The following JAK1 variants were observed in gnomAD, a reference collection of about 807,000 sequenced individuals.
JAK1 encodes the protein Janus kinase 1.
In JAK1, 16 loss-of-function variants were observed where a neutral mutation model predicts 136.6. The ratio of observed to expected loss-of-function variants is 0.12; its 90% confidence interval spans 0.08 to 0.18. The LOEUF (loss-of-function observed/expected upper bound fraction) is 0.18, where lower values mean the gene tolerates loss of function less well. Ranked by LOEUF, JAK1 falls within the 10% of genes least tolerant of loss-of-function variation. The pLI is 1.00. For missense variants in JAK1, 859 were observed against 1,450.1 expected, an observed-to-expected ratio of 0.59 and a Z score of 6.62; for synonymous variants, 492 against 519.5, an observed-to-expected ratio of 0.95 and a Z score of 0.72.
intron 2 of JAK1, among the ~76,000 whole-genome samples, chr1:65,031,155 CA>C (rs375856684): frequency 0.2 from 13,633 of 68,226 alleles, 746 homozygotes; most frequent in East Asian, 0.44. Context: ...GACCCTATCT[CA>C]AAAAAAAAAA....
At chr1:64,899,546 C>A (rs906802813) in intron 1 of JAK1, among the ~76,000 whole-genome samples, 1 of 152,064 alleles carries the variant, frequency 6.6e-6, no homozygotes, top group Admixed American at 6.5e-5. Flanking sequence ...GCTGAGCAAC[C>A]CAAATCAAAA....
At chr1:65,041,886 A>G (rs1647137346) in intron 2 of JAK1, among the ~76,000 whole-genome samples, 1 of 152,142 alleles carries the variant, frequency 6.6e-6, no homozygotes, top group African/African-American at 2.4e-5. Context: ...CAAAAATACA[A>G]AAAATTAGCC....
At chr1:65,052,948 T>C in intron 1 of JAK1, among the ~76,000 whole-genome samples, 1 of 135,758 alleles carries the variant, frequency 7.4e-6, no homozygotes, top group East Asian at 2.1e-4. Context: ...GGAGAATCGC[T>C]GGGACCCGGG....
chr1:64,902,345 A>G (rs1245992741), intron 1 of JAK1, among the ~76,000 whole-genome samples: 2 of 152,092 alleles, frequency 1.3e-5, no homozygotes, highest in African/African-American at 4.8e-5. Context: ...CAGTCCTGTC[A>G]TTTGTGCCAT....
chr1:64,978,205 G>A (rs1231447535), intron 2 of JAK1, among the ~76,000 whole-genome samples: 1 of 151,774 alleles, frequency 6.6e-6, no homozygotes, highest in South Asian at 2.1e-4. Context: ...TTGAACTCAA[G>A]AGGCACACGT....
rs556450173 is a variant in JAK1, at chr1:64,945,176, T to C, written c.-78+21157A>G. 4.6e-5 allele frequency among the ~76,000 whole-genome samples: 7 copies of C among 152,156 alleles called. No homozygotes were observed. In the East Asian group the frequency reaches 9.7e-4, roughly 21 times the overall value. Reference sequence around the variant, plus strand: ...CGCCTGCACTTGCCAGTTCTCTCCATGTTAACAAGATGGCAGTTCAAAAGA... The same window carrying C: ...CGCCTGCACTTGCCAGTTCTCTCCACGTTAACAAGATGGCAGTTCAAAAGA... On this transcript the variant is annotated intron_variant, in intron 1 of 24. Coordinates refer to ENST00000342505, the MANE Select transcript of JAK1 (RefSeq NM_002227.4).
At chr1:65,066,095 G>C (rs1242110435) in intron 1 of JAK1, among the ~76,000 whole-genome samples, 2 of 152,180 alleles carry the variant, frequency 1.3e-5, no homozygotes, top group African/African-American at 4.8e-5. Context: ...CTGGAGAGCA[G>C]GGGATTCCCT....
intron 2 of JAK1, among the ~76,000 whole-genome samples, chr1:64,982,104 ACACACACACG>A (rs771677454): frequency 6.3e-4 from 93 of 146,804 alleles, no homozygotes; most frequent in South Asian, 2.6e-3. Flanking sequence ...ACACACACGC[ACACACACACG>A]CACACACACG....
chr1:64,914,839 C>T (rs984613831), intron 1 of JAK1, among the ~76,000 whole-genome samples: 10 of 152,236 alleles, frequency 6.6e-5, no homozygotes, highest in Non-Finnish European at 1.5e-4. Context: ...GCTAGGATTA[C>T]AGGCATGAGC....
chr1:64,888,537 A>G (rs1312842481), intron 1 of JAK1, among the ~76,000 whole-genome samples: 1 of 152,224 alleles, frequency 6.6e-6, no homozygotes, highest in Non-Finnish European at 1.5e-5. Flanking sequence ...TCAACTTAGG[A>G]GTCATGGAAC....
At chr1:65,061,196 A>T (rs1478827754) in intron 1 of JAK1, among the ~76,000 whole-genome samples, 1 of 152,162 alleles carries the variant, frequency 6.6e-6, no homozygotes, top group Non-Finnish European at 1.5e-5. Context: ...AGGCAGGAGG[A>T]TTGCTGGAAT....
At chr1:64,912,310 C>T (rs1334906743) in intron 1 of JAK1, among the ~76,000 whole-genome samples, 1 of 152,106 alleles carries the variant, frequency 6.6e-6, no homozygotes, top group Non-Finnish European at 1.5e-5. Context: ...TCACTAGCAA[C>T]CACAGTTATG....
intron 1 of JAK1, among the ~76,000 whole-genome samples, chr1:64,931,890 C>G (rs1645699842): frequency 6.6e-6 from 1 of 151,082 alleles, no homozygotes; most frequent in South Asian, 2.1e-4. Flanking sequence ...AAGTGTTGTT[C>G]ATAACAGCAA....
At chr1:65,060,932 A>G (rs186602746) in intron 1 of JAK1, among the ~76,000 whole-genome samples, 25 of 152,334 alleles carry the variant, frequency 1.6e-4, no homozygotes, top group African/African-American at 6.0e-4. Flanking sequence ...AGAAAAAATA[A>G]CTGCATACTA....
At chr1:64,940,320 CTT>C (rs34933566) in intron 1 of JAK1, among the ~76,000 whole-genome samples, 4 of 140,374 alleles carry the variant, frequency 2.8e-5, no homozygotes, top group Non-Finnish European at 3.1e-5. Flanking sequence ...ATTTCAATTT[CTT>C]TTTTTTTTTT....
chr1:65,031,670 A>G (rs1053166603), intron 2 of JAK1, among the ~76,000 whole-genome samples: 4 of 152,208 alleles, frequency 2.6e-5, no homozygotes, highest in Non-Finnish European at 4.4e-5. Flanking sequence ...CTATGGTTAT[A>G]TAAGAGAATG....
chr1:64,904,191 C>G (rs1413947765), intron 1 of JAK1, among the ~76,000 whole-genome samples: 1 of 152,164 alleles, frequency 6.6e-6, no homozygotes, highest in Non-Finnish European at 1.5e-5. Flanking sequence ...CAGAAAATGT[C>G]ACAGTCAGGA....
chr1:65,053,882 A>G (rs1358788844), intron 1 of JAK1, among the ~76,000 whole-genome samples: 2 of 152,226 alleles, frequency 1.3e-5, no homozygotes, highest in African/African-American at 4.8e-5. Context: ...GTGGTTATTC[A>G]GAGAAGCTAG....
chr1:64,989,000 G>GTGTA (rs1247126005), intron 2 of JAK1, among the ~76,000 whole-genome samples: 1 of 91,866 alleles, frequency 1.1e-5, no homozygotes, highest in Admixed American at 1.4e-4. Context: ...GTGTGTGTGT[G>GTGTA]TGTATATATA....
Sources: gnomAD v4.1 joint callset for allele counts (sites outside exome capture counted in the v4.1 genomes callset) on GRCh38, gnomAD v4.1.1 for gene constraint, MANE v1.5 for transcripts, NCBI Gene and HGNC (gene_info 2026-07-23, HGNC 2026-07-21) for gene names.